The following RGS6 variants were observed in gnomAD, a reference collection of about 807,000 sequenced individuals.
RGS6 encodes the protein regulator of G-protein signaling 6.
A neutral mutation model predicts 78.5 loss-of-function variants in RGS6; 30 were observed. The ratio of observed to expected loss-of-function variants is 0.38; its 90% CI spans 0.29 to 0.52. RGS6 has a LOEUF of 0.52. Among genes scored for constraint, RGS6 ranks in the 20% least tolerant of loss-of-function variants. The probability of loss-of-function intolerance (pLI) is 0.85; values close to 1 mark genes in which losing one functional copy is unlikely to be tolerated. For missense variants in RGS6, 495 were observed against 609.7 expected (o/e 0.81, Z 1.98); for synonymous variants, 206 against 206.0 (o/e 1.00, Z 0.00).
intron 2 of RGS6, among the ~76,000 whole-genome samples, chr14:72,218,880 G>C (rs1232921314): frequency 6.6e-6 from 1 of 151,932 alleles, no homozygotes; most frequent in Non-Finnish European, 1.5e-5. Context: ...AAAGTGCTGG[G>C]ATTACAAGCG....
intron 14 of RGS6, among the ~76,000 whole-genome samples, chr14:72,516,141 T>C (rs2096939816): frequency 6.6e-6 from 1 of 152,242 alleles, no homozygotes; most frequent in South Asian, 2.1e-4. Context: ...CACTGGCTTC[T>C]TCCTATAGAG....
chr14:72,417,785 C>G (rs2093928963), intron 3 of RGS6, among the ~76,000 whole-genome samples: 1 of 152,218 alleles, frequency 6.6e-6, no homozygotes, highest in East Asian at 1.9e-4. Flanking sequence ...AAGTGCTTGA[C>G]ATAATCAGAG....
intron 1 of RGS6, among the ~76,000 whole-genome samples, chr14:71,936,049 T>TATATATGTAC: frequency 7.0e-6 from 1 of 141,896 alleles, no homozygotes; most frequent in African/African-American, 2.5e-5. Context: ...TATGTACATA[T>TATATATGTAC]ATATCATATA....
At chr14:72,540,800 G>A in intron 17 of RGS6, 1 of 985,430 alleles carries the variant, frequency 1.0e-6, no homozygotes, top group Non-Finnish European at 1.2e-6. Flanking sequence ...ATTCTAACAG[G>A]CTGGGTAAAG....
intron 2 of RGS6, among the ~76,000 whole-genome samples, chr14:72,111,300 C>T (rs990093758): frequency 1.3e-5 from 2 of 152,156 alleles, no homozygotes; most frequent in African/African-American, 4.8e-5. Context: ...CAGATACCAT[C>T]TCAGGAATGG....
At chr14:72,267,324 A>G (rs764906856) in intron 2 of RGS6, among the ~76,000 whole-genome samples, 10 of 148,538 alleles carry the variant, frequency 6.7e-5, no homozygotes, top group Admixed American at 1.4e-4. Context: ...AAAAATTATA[A>G]TGACATGCAA....
chr14:72,109,826 A>G (rs935150873), intron 2 of RGS6, among the ~76,000 whole-genome samples: 5 of 152,178 alleles, frequency 3.3e-5, no homozygotes, highest in Non-Finnish European at 7.4e-5. Context: ...AAAATTACAC[A>G]CAGAAGACCT....
intron 2 of RGS6, among the ~76,000 whole-genome samples, chr14:72,158,048 C>T (rs889024706): frequency 2.0e-5 from 3 of 152,084 alleles, no homozygotes; most frequent in African/African-American, 7.2e-5. Flanking sequence ...CCCAAGGATA[C>T]CATCTTCTCC....
intron 3 of RGS6, among the ~76,000 whole-genome samples, chr14:72,356,277 C>G (rs1013436603): frequency 2.0e-5 from 3 of 152,028 alleles, no homozygotes; most frequent in African/African-American, 7.2e-5. Flanking sequence ...TGAGTTCTCA[C>G]AAGATCTGAT....
At chr14:71,983,563 T>C (rs1455671556) in intron 2 of RGS6, among the ~76,000 whole-genome samples, 1 of 152,226 alleles carries the variant, frequency 6.6e-6, no homozygotes, top group Non-Finnish European at 1.5e-5. Context: ...TTCTTGCCTC[T>C]TCCAGGCTTT....
intron 2 of RGS6, among the ~76,000 whole-genome samples, chr14:72,203,588 A>G (rs1384952007): frequency 3.3e-5 from 5 of 152,110 alleles, no homozygotes; most frequent in Middle Eastern, 3.2e-3. Context: ...CCTCAAATCC[A>G]TCATGGCTGT....
chr14:72,573,656 C>T, the RGS6 span, among the ~76,000 whole-genome samples: 1 of 152,300 alleles, frequency 6.6e-6, no homozygotes, highest in African/African-American at 2.4e-5. Context: ...AAGATGCCCA[C>T]TTCTATCTAC....
At chr14:72,364,122 C>G (rs1486176291) in intron 3 of RGS6, among the ~76,000 whole-genome samples, 1 of 151,734 alleles carries the variant, frequency 6.6e-6, no homozygotes, top group East Asian at 1.9e-4. Flanking sequence ...CCAACACTCT[C>G]ACCTACTTAA....
At chr14:72,454,017 A>G (rs1224681056) in intron 3 of RGS6, among the ~76,000 whole-genome samples, 4 of 152,354 alleles carry the variant, frequency 2.6e-5, no homozygotes, top group South Asian at 2.1e-4. Context: ...TAATCTAGCT[A>G]TGGCACAGTG....
At chr14:72,600,045 T>TTGTCATTG in the RGS6 span, among the ~76,000 whole-genome samples, 1 of 152,116 alleles carries the variant, frequency 6.6e-6, no homozygotes, top group Admixed American at 6.5e-5. Context: ...CTGCCTGTGG[T>TTGTCATTG]TGTCATTGTG....
intron 2 of RGS6, among the ~76,000 whole-genome samples, chr14:72,220,727 A>G (rs968792563): frequency 6.6e-6 from 1 of 152,244 alleles, no homozygotes; most frequent in Non-Finnish European, 1.5e-5. Context: ...TCAGAAAACA[A>G]GAGAAGTTTT....
intron 2 of RGS6, among the ~76,000 whole-genome samples, chr14:72,241,701 G>C (rs2052880797): frequency 6.6e-6 from 1 of 152,068 alleles, no homozygotes; most frequent in Non-Finnish European, 1.5e-5. Flanking sequence ...ATGATATGTT[G>C]GATAGCTCTT....
chr14:72,179,015 C>G (rs1224991541), intron 2 of RGS6, among the ~76,000 whole-genome samples: 1 of 152,186 alleles, frequency 6.6e-6, no homozygotes, highest in Non-Finnish European at 1.5e-5. Flanking sequence ...GCACATATTT[C>G]TGACCTGGCG....
the RGS6 span, among the ~76,000 whole-genome samples, chr14:71,885,076 C>A: frequency 2.0e-5 from 3 of 152,204 alleles, no homozygotes; most frequent in African/African-American, 4.8e-5. Context: ...CTTAGCATAT[C>A]CCTCAGCTGG....
Sources: allele counts gnomAD v4.1 joint callset (sites outside exome capture counted in the v4.1 genomes callset), GRCh38; gene constraint gnomAD v4.1.1; transcripts MANE v1.5; gene names NCBI Gene and HGNC (gene_info 2026-07-23, HGNC 2026-07-21).